Variants in ATP6V1H observed in about 807,000 individuals in gnomAD.
The protein encoded by ATP6V1H is V-type proton ATPase subunit H.
In ATP6V1H, 39 loss-of-function variants were observed where a neutral mutation model predicts 71.7. That is an observed-to-expected ratio of 0.54 (90% CI 0.42 to 0.71). ATP6V1H has a LOEUF of 0.71. Among genes scored for constraint, ATP6V1H ranks in the 30% least tolerant of loss-of-function variants. The pLI is 0.00. For synonymous variants in ATP6V1H, 192 were observed against 199.3 expected, an observed-to-expected ratio of 0.96 and a Z score of 0.31; for missense variants, 509 against 594.9, an observed-to-expected ratio of 0.86 and a Z score of 1.50.
At chr8:53,830,554 T>C (rs1346276998) in intron 3 of ATP6V1H, among the ~76,000 whole-genome samples, 2 of 150,996 alleles carry the variant, frequency 1.3e-5, no homozygotes, top group Admixed American at 1.3e-4. Flanking sequence ...TTAAGCAAAA[T>C]TAAAAAAAAA....
At chr8:53,722,375 A>C (rs1180397086) in intron 13 of ATP6V1H, among the ~76,000 whole-genome samples, 2 of 152,254 alleles carry the variant, frequency 1.3e-5, no homozygotes, top group African/African-American at 4.8e-5. Flanking sequence ...AGCAGCCTGC[A>C]CAACACAGGG....
At chr8:53,763,171 G>C (rs192142110) in intron 11 of ATP6V1H, among the ~76,000 whole-genome samples, 172 of 152,276 alleles carry the variant, frequency 1.1e-3, no homozygotes, top group African/African-American at 3.7e-3. Flanking sequence ...CTGTGGGGGA[G>C]GAGGGTCGGC....
intron 13 of ATP6V1H, among the ~76,000 whole-genome samples, chr8:53,723,024 T>C (rs1238169377): frequency 6.6e-6 from 1 of 152,184 alleles, no homozygotes; most frequent in Non-Finnish European, 1.5e-5. Context: ...GAGAATCCAT[T>C]TTCCCACAAG....
At chr8:53,720,951 G>A (rs149963195) in intron 13 of ATP6V1H, among the ~76,000 whole-genome samples, 2 of 152,050 alleles carry the variant, frequency 1.3e-5, no homozygotes, top group African/African-American at 2.4e-5. Context: ...TTGTCATAAC[G>A]ATCATTAAAA....
At chr8:53,840,585 CTG>C (rs2130550095) in intron 2 of ATP6V1H, among the ~76,000 whole-genome samples, 1 of 152,162 alleles carries the variant, frequency 6.6e-6, no homozygotes, top group South Asian at 2.1e-4. Context: ...GGACAGTACT[CTG>C]TATGGAATTT....
Position 53,732,298 on chromosome 8 carries a change from G to A in ATP6V1H, c.1391+11279C>T, listed in dbSNP as rs1295846204. Among the ~76,000 whole-genome samples, 4 of 152,050 alleles carry A rather than the reference G, an allele frequency of 2.6e-5. No homozygotes were observed. The East Asian group carries it at 7.7e-4, about 29-fold the overall frequency. ...GACAGAAAGTAAGCCCACCCTGCTA[G>A]GAACTATGTTAAAAAATATACATAT... On this transcript the variant is annotated intron_variant, in intron 13 of 13. Coordinates refer to ENST00000359530, the MANE Select transcript of ATP6V1H (RefSeq NM_015941.4).
chr8:53,766,641 A>G (rs771654488), intron 11 of ATP6V1H, among the ~76,000 whole-genome samples: 1 of 152,180 alleles, frequency 6.6e-6, no homozygotes, highest in Non-Finnish European at 1.5e-5. Context: ...TGAGAAAGAG[A>G]ATGCGCACCT....
intron 5 of ATP6V1H, among the ~76,000 whole-genome samples, chr8:53,815,511 C>T: frequency 6.6e-6 from 1 of 152,124 alleles, no homozygotes; most frequent in East Asian, 1.9e-4. Context: ...CATGTTTGTT[C>T]TTACATTTGA....
At chr8:53,727,814 G>C (rs993922629) in intron 13 of ATP6V1H, among the ~76,000 whole-genome samples, 12 of 152,134 alleles carry the variant, frequency 7.9e-5, no homozygotes, top group African/African-American at 2.7e-4. Flanking sequence ...GAACTCCTCA[G>C]TGCCACCCCA....
intron 3 of ATP6V1H, 57 bp downstream of exon 3, chr8:53,832,927 T>C: frequency 1.6e-6 from 2 of 1,217,952 alleles, no homozygotes; most frequent in Non-Finnish European, 2.4e-6. Context: ...CACTAAGATT[T>C]TTCTAAACTT....
chr8:53,726,224 A>G (rs1806806898), intron 13 of ATP6V1H, among the ~76,000 whole-genome samples: 1 of 152,236 alleles, frequency 6.6e-6, no homozygotes, highest in Admixed American at 6.5e-5. Context: ...AACCTTGATT[A>G]TATACCCATA....
chr8:53,757,075 C>T (rs1012057599), intron 11 of ATP6V1H, among the ~76,000 whole-genome samples: 5 of 152,198 alleles, frequency 3.3e-5, no homozygotes, highest in South Asian at 4.1e-4. Context: ...TAAGCACACA[C>T]GTCTTCCCCT....
chr8:53,757,550 G>A lies in ATP6V1H; in HGVS notation c.1176-894C>T, dbSNP rs1055045570. On this transcript the variant is annotated intron_variant, in intron 11 of 13. Transcript: ENST00000359530. The stretch of plus-strand genomic sequence containing the variant: ...TCTCAATTCATTCTAAAAGCAGAGC[G>A]TAACTGTGATAACCAGTCAGAATGA... Among the ~76,000 whole-genome samples, 19 of 152,200 alleles carry A rather than the reference G, an allele frequency of 1.2e-4. 1 individual carries two copies. The highest frequency in any genetic ancestry group is 1.1e-3 in the Admixed American group (17 of 15,276).
chr8:53,783,754 T>C (rs1809257611), intron 9 of ATP6V1H, among the ~76,000 whole-genome samples: 1 of 152,342 alleles, frequency 6.6e-6, no homozygotes, highest in South Asian at 2.1e-4. Context: ...TTTGTTCTCA[T>C]TGGTTTCAAA....
intron 4 of ATP6V1H, among the ~76,000 whole-genome samples, chr8:53,824,901 A>G (rs1306018557): frequency 6.6e-6 from 1 of 152,060 alleles, no homozygotes; most frequent in Admixed American, 6.5e-5. Flanking sequence ...AATTAATTCA[A>G]ATAAAAGAAT....
At chr8:53,731,285 A>G (rs1251217783) in intron 13 of ATP6V1H, among the ~76,000 whole-genome samples, 1 of 152,140 alleles carries the variant, frequency 6.6e-6, no homozygotes, top group Non-Finnish European at 1.5e-5. Context: ...CTCTCACGAT[A>G]AGGAAGGAGA....
chr8:53,841,420 C>T (rs950259906), intron 2 of ATP6V1H, among the ~76,000 whole-genome samples, 158 bp downstream of exon 2: 4 of 152,216 alleles, frequency 2.6e-5, no homozygotes, highest in Non-Finnish European at 5.9e-5. Flanking sequence ...CACCCCACTA[C>T]ACTTAACTCC....
chr8:53,716,491 G>A (rs1488036898), intron 13 of ATP6V1H, among the ~76,000 whole-genome samples: 1 of 152,192 alleles, frequency 6.6e-6, no homozygotes, highest in African/African-American at 2.4e-5. Flanking sequence ...TTCACCCTGG[G>A]ATGACACAAG....
In ATP6V1H at chr8:53,765,439, GACA is replaced by G. The variant is rs71551967; in HGVS notation, c.1175+4176_1175+4178del. Among the ~76,000 whole-genome samples, 243 of 81,612 alleles carry G rather than the reference GACA, an allele frequency of 3.0e-3. 4 individuals are homozygous for G. Among genetic ancestry groups the G allele is most frequent in the Non-Finnish European group, 4.9e-3 (168 of 34,244 alleles). 53.5% of individuals were successfully genotyped at this position (81,612 alleles called of 152,430 possible). A position where few individuals can be genotyped will look rare whatever the true frequency, so the allele number is the denominator to read the frequency against. On this transcript the variant is annotated intron_variant, in intron 11 of 13. Coordinates refer to ENST00000359530, the MANE Select transcript of ATP6V1H (RefSeq NM_015941.4). ...AAAGGGCAGGGCGGGGAGGGTGGTG[GACA>G]ACAACAACAACAACACACACACACA... is the stretch of plus-strand genomic sequence containing the variant.
Sources: gnomAD v4.1 joint callset for allele counts (sites outside exome capture counted in the v4.1 genomes callset) on GRCh38, gnomAD v4.1.1 for gene constraint, MANE v1.5 for transcripts, NCBI Gene and HGNC (gene_info 2026-07-23, HGNC 2026-07-21) for gene names.